The following WNT9A variants were observed in gnomAD, a reference collection of about 807,000 sequenced individuals.
The protein encoded by WNT9A is protein Wnt-9a.
In WNT9A, 8 loss-of-function variants were observed where a neutral mutation model predicts 31.4. The observed-to-expected ratio is 0.26, with a 90% CI of 0.15 to 0.46. The LOEUF (loss-of-function observed/expected upper bound fraction) is 0.46, where lower values mean the gene tolerates loss of function less well. Among genes scored for constraint, WNT9A ranks in the 20% least tolerant of loss-of-function variants. The probability of loss-of-function intolerance (pLI) is 0.99; values close to 1 mark genes in which losing one functional copy is unlikely to be tolerated. For synonymous variants in WNT9A, 236 were observed against 220.1 expected (o/e 1.07, Z -0.64); for missense variants, 457 against 522.9 (o/e 0.87, Z 1.23).
At chr1:227,941,340 G>T (rs907318084) in intron 1 of WNT9A, among the ~76,000 whole-genome samples, 6 of 152,116 alleles carry the variant, frequency 3.9e-5, no homozygotes, top group African/African-American at 9.7e-5. Context: ...AGAGAAGGAT[G>T]CATCTGAGGA....
chr1:227,924,062 T>TCC, intron 3 of WNT9A, 76 bp downstream of exon 3: 25 of 234,958 alleles, frequency 1.1e-4, no homozygotes, highest in South Asian at 9.1e-4. Flanking sequence ...CCGCCCCCAG[T>TCC]CCCACGCCCC....
At position 227,920,072 on chromosome 1, in the gene WNT9A, C is replaced by T. The variant is rs1666283544; in HGVS notation, c.*1446G>A. 1 of 152,408 alleles carries T rather than the reference C, an allele frequency of 6.6e-6. No individual in the cohort carries two copies. The highest frequency in any genetic ancestry group is 1.5e-5 in the Non-Finnish European group (1 of 68,176). The allele number at this position is 152,408 out of a possible 1,614,324, so 9.4% of individuals were successfully genotyped here. A position where few individuals can be genotyped will look rare whatever the true frequency, so the allele number is the denominator to read the frequency against. On this transcript the variant is annotated 3_prime_UTR_variant, in exon 4 of 4. Transcript: ENST00000272164. ...AACCAATCAAAGGGCTGCCCTGCCC[C>T]CTCACCATGCCCGCCCCTCTCCACC...
Position 227,924,252 on chromosome 1 carries a change from GCCC to G in WNT9A, c.498_500del (p.Gly167del). Reference sequence around the variant, plus strand: ...TGCTGTACTTAAGGTTGTCTCCGCAGCCCCCCCACTGCCAGGCCTCACGGTTCT... The same window carrying G: ...TGCTGTACTTAAGGTTGTCTCCGCAGCCCCACTGCCAGGCCTCACGGTTCT... On this transcript the variant is annotated inframe_deletion, in exon 3 of 4. Coordinates refer to ENST00000272164, the MANE Select transcript of WNT9A (RefSeq NM_003395.4). 1 of 1,613,742 alleles carries G rather than the reference GCCC, an allele frequency of 6.2e-7. No homozygotes were observed. The highest frequency in any genetic ancestry group is 1.7e-5 in the Admixed American group (1 of 60,020).
chr1:227,939,264 G>A (rs1457465552), intron 1 of WNT9A, among the ~76,000 whole-genome samples: 4 of 152,324 alleles, frequency 2.6e-5, no homozygotes, highest in Non-Finnish European at 4.4e-5. Context: ...TGACCCGGTC[G>A]CCTCCTTGAG....
rs1025352259 is a variant in WNT9A, at chr1:227,928,666, C to T, written c.96-3147G>A. 6.6e-6 allele frequency among the ~76,000 whole-genome samples: 1 copy of T among 152,240 alleles called. No homozygotes were observed. The highest frequency in any genetic ancestry group is 2.4e-5 in the African/African-American group (1 of 41,556). On this transcript the variant is annotated intron_variant, in intron 1 of 3. Transcript: ENST00000272164. This position sits in a 1 kb window ranked among gnomAD's most constrained non-coding sequence, Gnocchi z 4.5. Reference sequence around the variant, plus strand: ...AGGGCATGCTGGGGAACAGGATGGGCGATCTCAGAGCCTGGGCCCAGCAGA... The same window carrying T: ...AGGGCATGCTGGGGAACAGGATGGGTGATCTCAGAGCCTGGGCCCAGCAGA...
chr1:227,924,330 G>A lies in WNT9A; in HGVS notation c.423C>T (p.Cys141=). ...AGLTHALAKA[C]SAGRMERCTC... is the part of the protein sequence containing the mutation. The stretch of plus-strand genomic sequence containing the variant: ...TACAGCGCTCCATGCGGCCCGCGCT[G>A]CACGCCTTGGCCAGTGCGTGCGTCA... Residue 141 remains cysteine (C), a synonymous_variant, in exon 3 of 4, where the codon TGC becomes TGT. Coordinates refer to ENST00000272164, the MANE Select transcript of WNT9A (RefSeq NM_003395.4). 1.9e-6 allele frequency: 3 copies of A among 1,613,634 alleles called. No homozygotes were observed. Among genetic ancestry groups the A allele is most frequent in the Non-Finnish European group, 2.5e-6 (3 of 1,179,988 alleles).
Position 227,942,683 on chromosome 1 carries a change from G to C in WNT9A, c.95+5110C>G, listed in dbSNP as rs1021823678. Among the ~76,000 whole-genome samples the C allele has an allele frequency of 6.6e-6, 1 of 152,174 alleles. No individual in the cohort carries two copies. Among genetic ancestry groups the C allele is most frequent in the Non-Finnish European group, 1.5e-5 (1 of 68,022 alleles). On this transcript the variant is annotated intron_variant, in intron 1 of 3. Coordinates refer to ENST00000272164, the MANE Select transcript of WNT9A (RefSeq NM_003395.4). This position sits in a 1 kb window ranked among gnomAD's most constrained non-coding sequence, Gnocchi z 5.7. ...TCCTCCCTGCCCTTCTGGCCCTCCA[G>C]AGCACTCTGTGTGGCCTTTCTTCCT...
At chr1:227,940,379 C>T (rs1666677175) in intron 1 of WNT9A, among the ~76,000 whole-genome samples, 1 of 152,216 alleles carries the variant, frequency 6.6e-6, no homozygotes, top group Non-Finnish European at 1.5e-5. Flanking sequence ...CCTTCCCAGA[C>T]AGCCGCAGAC....
At position 227,925,437 on chromosome 1, in the gene WNT9A, C is replaced by T. The variant is rs370094927; in HGVS notation, c.178G>A (p.Asp60Asn). Reference sequence around the variant, plus strand: ...TGCTTCCGCTCCAGCTTCAGCCGGTCGCAGGCCTTGTAGTGCGCCTGGGCA... The same window carrying T: ...TGCTTCCGCTCCAGCTTCAGCCGGTTGCAGGCCTTGTAGTGCGCCTGGGCA... ...AAAQAHYKAC[D>N]RLKLERKQRR... is the part of the protein sequence containing the mutation. The change falls in exon 2 of 4, where the codon GAC becomes AAC. Residue 60 changes from aspartate (D) to asparagine (N), a missense_variant. By Grantham distance (23) the Asp-to-Asn change is conservative. Transcript: ENST00000272164. The surrounding 1 kb of genome is among the most constrained non-coding windows in gnomAD (Gnocchi z 6.0). The T allele has an allele frequency of 1.5e-5, 24 of 1,595,792 alleles. No individual in the cohort carries two copies. Among genetic ancestry groups the T allele is most frequent in the South Asian group, 1.4e-4 (12 of 88,608 alleles).
chr1:227,929,742 G>C (rs1280660904), intron 1 of WNT9A, among the ~76,000 whole-genome samples: 3 of 152,224 alleles, frequency 2.0e-5, no homozygotes, highest in African/African-American at 7.2e-5. Context: ...GCTGAGGCGG[G>C]GGAAACACTT....
intron 1 of WNT9A, among the ~76,000 whole-genome samples, chr1:227,944,763 C>T (rs1240818922): frequency 6.6e-6 from 1 of 152,238 alleles, no homozygotes; most frequent in African/African-American, 2.4e-5. Context: ...ATTGGCAGGG[C>T]CTGGCCTCCC....
In WNT9A at chr1:227,920,091, C is replaced by G. The variant is rs1375221385; in HGVS notation, c.*1427G>C. On this transcript the variant is annotated 3_prime_UTR_variant, in exon 4 of 4. Coordinates refer to ENST00000272164, the MANE Select transcript of WNT9A (RefSeq NM_003395.4). ...CTGCCCCCTCACCATGCCCGCCCCT[C>G]TCCACCACCCCCAGCTCGAGAATCT... is the stretch of plus-strand genomic sequence containing the variant. The G allele has an allele frequency of 6.6e-6, 1 of 152,356 alleles. No individual in the cohort carries two copies. Among genetic ancestry groups the G allele is most frequent in the Non-Finnish European group, 1.5e-5 (1 of 68,140 alleles). 9.4% of individuals were successfully genotyped at this position (152,356 alleles called of 1,614,324 possible). A position where few individuals can be genotyped will look rare whatever the true frequency, so the allele number is the denominator to read the frequency against.
At chr1:227,935,163 A>T (rs539442434) in intron 1 of WNT9A, among the ~76,000 whole-genome samples, 1 of 151,476 alleles carries the variant, frequency 6.6e-6, no homozygotes, top group South Asian at 2.1e-4. Context: ...CCTGTTCACC[A>T]TAGCAGAAAC....
chr1:227,933,378 C>T (rs1195109401), intron 1 of WNT9A, among the ~76,000 whole-genome samples: 2 of 152,226 alleles, frequency 1.3e-5, no homozygotes, highest in Non-Finnish European at 2.9e-5. Context: ...TAAGGGAATG[C>T]TGTGGCTGGT....
intron 1 of WNT9A, among the ~76,000 whole-genome samples, chr1:227,938,816 C>T (rs1277364538): frequency 6.6e-6 from 1 of 152,208 alleles, no homozygotes; most frequent in African/African-American, 2.4e-5. Flanking sequence ...CCTAAACTAC[C>T]TGGTGAGTGT....
At chr1:227,922,151 A>G in intron 3 of WNT9A, 151 bp from the exon 4 acceptor site, 1 of 1,265,646 alleles carries the variant, frequency 7.9e-7, no homozygotes, top group East Asian at 2.6e-5. Flanking sequence ...TCTCACATCC[A>G]GCTCAGTCTC....
intron 3 of WNT9A, 145 bp from the exon 4 acceptor site, chr1:227,922,145 A>G: frequency 7.9e-7 from 1 of 1,265,066 alleles, no homozygotes. Flanking sequence ...TGCACATCTC[A>G]CATCCAGCTC....
rs754912959 is a variant in WNT9A, at chr1:227,921,948, G to A, written c.668C>T (p.Ser223Leu). The A allele has an allele frequency of 6.2e-7, 1 of 1,612,912 alleles. No homozygotes were observed. Among genetic ancestry groups the A allele is most frequent in the South Asian group, 1.1e-5 (1 of 91,086 alleles). ...CCGCCAGCAGGTCCGCACCGTGCAT[G>A]AGCCTGACACGCCGTGGCACTTGCA... is the stretch of plus-strand genomic sequence containing the variant. ...TTCKCHGVSGSCTVRTCWRQL... is the reference protein window; with the variant it reads ...TTCKCHGVSGLCTVRTCWRQL... Residue 223 changes from serine (S) to leucine (L), a missense_variant, in exon 4 of 4, where the codon TCA becomes TTA. Coordinates refer to ENST00000272164, the MANE Select transcript of WNT9A (RefSeq NM_003395.4).
rs1305243960 is a variant in WNT9A, at chr1:227,924,364, G to A, written c.389C>T (p.Ser130Leu). 25 of 1,613,264 alleles carry A rather than the reference G, an allele frequency of 1.5e-5. No homozygotes were observed. Among genetic ancestry groups the A allele is most frequent in the Non-Finnish European group, 2.1e-5 (25 of 1,179,622 alleles). Residue 130 changes from serine (S) to leucine (L), a missense_variant, in exon 3 of 4, where the codon TCG (serine) becomes TTG (leucine). Transcript: ENST00000272164. ...KETAFLYAIS[S>L]AGLTHALAKA... ...GGCCAGTGCGTGCGTCAGGCCAGCC[G>A]AGGAGATGGCATAGAGGAAGGCAGT...
Sources: gnomAD v4.1 joint callset for allele counts (sites outside exome capture counted in the v4.1 genomes callset) on GRCh38, gnomAD v4.1.1 for gene constraint, Gnocchi (gnomAD v3.1) non-coding constraint, MANE v1.5 for transcripts, NCBI Gene and HGNC (gene_info 2026-07-23, HGNC 2026-07-21) for gene names.